P3H2: variants seen among roughly 807,000 people sequenced by gnomAD.
P3H2 encodes the protein leprecan-like 1.
P3H2 carries 80 observed loss-of-function variants against 87.0 expected under a neutral mutation model. The ratio of observed to expected loss-of-function variants is 0.92; its 90% confidence interval spans 0.77 to 1.11. P3H2 has a LOEUF of 1.11. Among genes scored for constraint, P3H2 ranks in the 50% least tolerant of loss-of-function variants. The pLI is 0.00. For synonymous variants in P3H2, 367 were observed against 359.3 expected, an observed-to-expected ratio of 1.02 and a Z score of -0.24; for missense variants, 1,001 against 923.9, an observed-to-expected ratio of 1.08 and a Z score of -1.08.
chr3:190,120,811 T>C lies in P3H2; in HGVS notation c.-80A>G. On this transcript the variant is annotated 5_prime_UTR_variant, in exon 1 of 15. Transcript: ENST00000319332. ...TCGCGTCCGGGTCCCCTCTCCCACC[T>C]TCCCTCGGGGAAGCGCGCCGACTCC... 6.8e-7 allele frequency: 1 copy of C among 1,473,070 alleles called. No homozygotes were observed. The highest frequency in any genetic ancestry group is 1.5e-5 in the African/African-American group (1 of 68,344). 91.2% of individuals were successfully genotyped at this position (1,473,070 alleles called of 1,614,324 possible). A position where few individuals can be genotyped will look rare whatever the true frequency, so the allele number is the denominator to read the frequency against.
In P3H2 at chr3:189,988,967, A is replaced by T. The variant is rs1723792447; in HGVS notation, c.895T>A (p.Ser299Thr). ...RELATRPGRL[S>T]PIENFLPLHY... is the part of the protein sequence containing the mutation. ...AGAGGAAGAAAATTCTCGATGGGAG[A>T]GAGGCGGCCAGGGCGGGTGGCAAGT... Residue 299 changes from serine (S) to threonine (T), a missense_variant, in exon 4 of 15, where the codon TCT becomes ACT. By Grantham distance (58) the Ser-to-Thr change is moderately conservative. Coordinates refer to ENST00000319332, the MANE Select transcript of P3H2 (RefSeq NM_018192.4). The T allele has an allele frequency of 1.2e-6, 2 of 1,613,952 alleles. No individual in the cohort carries two copies. Among genetic ancestry groups the T allele is most frequent in the Admixed American group, 1.7e-5 (1 of 59,990 alleles).
chr3:190,096,155 T>C (rs371020654), intron 1 of P3H2, among the ~76,000 whole-genome samples: 4 of 152,050 alleles, frequency 2.6e-5, no homozygotes, highest in East Asian at 3.9e-4. Flanking sequence ...ACCTGACAAA[T>C]AGACCTAGGC....
At chr3:190,037,608 T>A (rs985805017) in intron 1 of P3H2, among the ~76,000 whole-genome samples, 6 of 152,208 alleles carry the variant, frequency 3.9e-5, no homozygotes, top group African/African-American at 1.4e-4. Context: ...CTGTTTTCTT[T>A]TTACAATTAC....
At chr3:190,092,312 A>G (rs962762876) in intron 1 of P3H2, among the ~76,000 whole-genome samples, 2 of 152,180 alleles carry the variant, frequency 1.3e-5, no homozygotes, top group African/African-American at 4.8e-5. Flanking sequence ...ATAGTATAAA[A>G]GGGCCATGTA....
intron 1 of P3H2, among the ~76,000 whole-genome samples, chr3:190,108,492 C>T (rs114043969): frequency 1.8e-3 from 280 of 152,292 alleles, no homozygotes; most frequent in Non-Finnish European, 3.0e-3. Flanking sequence ...GATGACTGGG[C>T]CAGGTGTGGC....
At chr3:189,964,727 G>A (rs989687031) in intron 13 of P3H2, among the ~76,000 whole-genome samples, 2 of 152,234 alleles carry the variant, frequency 1.3e-5, no homozygotes, top group African/African-American at 4.8e-5. Flanking sequence ...GTGAGAACAC[G>A]ACACCCCTTG....
intron 1 of P3H2, among the ~76,000 whole-genome samples, chr3:190,061,666 TC>T (rs1158127397): frequency 1.3e-5 from 2 of 152,190 alleles, no homozygotes; most frequent in Admixed American, 6.6e-5. Flanking sequence ...CTAAGGACAC[TC>T]ATATCCCTTA....
At chr3:190,036,155 T>G (rs1725417235) in intron 1 of P3H2, among the ~76,000 whole-genome samples, 2 of 152,242 alleles carry the variant, frequency 1.3e-5, no homozygotes, top group South Asian at 4.1e-4. Context: ...TTCTCTAAAA[T>G]GAAGTCACAG....
chr3:189,995,511 A>G lies in P3H2; in HGVS notation c.481-69T>C, dbSNP rs1049169623. ...AAATCACACTCAGAGAAATACAAAG[A>G]TCAATCCAAAATCTCACAGTTTAAG... On this transcript the variant is annotated intron_variant, in intron 1 of 14. Transcript: ENST00000319332. 16 of 1,511,480 alleles carry G rather than the reference A, an allele frequency of 1.1e-5. No homozygotes were observed. In the Admixed American group the frequency reaches 1.9e-4, roughly 18 times the overall value. 93.6% of individuals were successfully genotyped at this position (1,511,480 alleles called of 1,614,324 possible).
At chr3:190,080,319 T>C (rs934863505) in intron 1 of P3H2, among the ~76,000 whole-genome samples, 8 of 152,242 alleles carry the variant, frequency 5.3e-5, no homozygotes, top group Admixed American at 4.6e-4. Context: ...TTGAGTGCCA[T>C]AGTAAGAGTT....
At position 189,958,128 on chromosome 3, in the gene P3H2, T is replaced by C. The variant is rs141206663; in HGVS notation, c.2035-124A>G. On this transcript the variant is annotated intron_variant, in intron 14 of 14. Transcript: ENST00000319332. ...GGTTGATGCTATATCCAGTTAAGCA[T>C]TGAACACCTCCTCTTCATCCCCAGA... The C allele has an allele frequency of 2.6e-4, 194 of 740,794 alleles. No homozygotes were observed. In the East Asian group the frequency reaches 4.7e-3, roughly 18 times the overall value. The allele number at this position is 740,794 out of a possible 1,614,324, so 45.9% of individuals were successfully genotyped here.
intron 1 of P3H2, among the ~76,000 whole-genome samples, chr3:190,112,208 T>C (rs2108523694): frequency 6.6e-6 from 1 of 152,356 alleles, no homozygotes; most frequent in Admixed American, 6.5e-5. Context: ...TGGATTCTAA[T>C]CCTGGATCTT....
rs1258259435 is a variant in P3H2 at position 189,959,539 on chromosome 3, T to C, written c.2035-1535A>G. Among the ~76,000 whole-genome samples the C allele has an allele frequency of 4.0e-5, 6 of 151,816 alleles. No individual in the cohort carries two copies. The East Asian group carries it at 1.2e-3, about 30-fold the overall frequency. ...CTCTTCTTATTCATACCTTTCTCTC[T>C]TCTTTAGGTTTATTTTGCCTCCCTT... On this transcript the variant is annotated intron_variant, in intron 14 of 14. Transcript: ENST00000319332.
At chr3:190,005,345 G>A (rs530837246) in intron 1 of P3H2, among the ~76,000 whole-genome samples, 17 of 152,316 alleles carry the variant, frequency 1.1e-4, no homozygotes, top group African/African-American at 3.8e-4. Flanking sequence ...CTGCATGGGG[G>A]CATATAGATC....
intron 1 of P3H2, among the ~76,000 whole-genome samples, chr3:190,101,207 T>C (rs1482178932): frequency 1.3e-5 from 2 of 151,750 alleles, no homozygotes; most frequent in Non-Finnish European, 2.9e-5. Flanking sequence ...ATTAGGCCAA[T>C]TAATAATCCC....
intron 8 of P3H2, among the ~76,000 whole-genome samples, chr3:189,975,057 C>T (rs1232565716): frequency 6.6e-6 from 1 of 152,184 alleles, no homozygotes; most frequent in African/African-American, 2.4e-5. Flanking sequence ...CGCAACACCA[C>T]AGATTGCATG....
chr3:190,108,496 G>A (rs552977379), intron 1 of P3H2, among the ~76,000 whole-genome samples: 1 of 152,342 alleles, frequency 6.6e-6, no homozygotes, highest in East Asian at 1.9e-4. Flanking sequence ...ACTGGGCCAG[G>A]TGTGGCCAAT....
At chr3:190,040,231 G>C (rs1467556352) in intron 1 of P3H2, among the ~76,000 whole-genome samples, 2 of 152,168 alleles carry the variant, frequency 1.3e-5, no homozygotes, top group Non-Finnish European at 2.9e-5. Flanking sequence ...TTCCAGGGGA[G>C]ATTTGAAAAA....
chr3:189,966,044 A>AAAAGAAAGAAAG (rs796880303), intron 13 of P3H2, among the ~76,000 whole-genome samples: 1 of 145,292 alleles, frequency 6.9e-6, no homozygotes, highest in Non-Finnish European at 1.5e-5. Context: ...AGAAAGAAAG[A>AAAAGAAAGAAAG]AAAGAAAGAA....
Sources: gnomAD v4.1 joint callset for allele counts (sites outside exome capture counted in the v4.1 genomes callset) on GRCh38, gnomAD v4.1.1 for gene constraint, MANE v1.5 for transcripts, NCBI Gene and HGNC (gene_info 2026-07-23, HGNC 2026-07-21) for gene names.